MED13L: variants seen among roughly 807,000 people sequenced by gnomAD.
MED13L encodes mediator of RNA polymerase II transcription subunit 13-like.
MED13L carries 7 observed loss-of-function variants against 220.9 expected under a neutral mutation model. That is an observed-to-expected ratio of 0.03 (90% CI 0.02 to 0.06). The LOEUF (loss-of-function observed/expected upper bound fraction) is 0.06, where lower values mean the gene tolerates loss of function less well. Among genes scored for constraint, MED13L ranks in the 10% least tolerant of loss-of-function variants. The pLI, the probability that MED13L is intolerant of heterozygous loss-of-function variation, is 1.00. For synonymous variants in MED13L, 1,011 were observed against 1,015.2 expected (o/e 1.00, Z 0.08); for missense variants, 1,965 against 2,760.5 (o/e 0.71, Z 6.46).
At chr12:116,101,747 TC>T (rs1473728430) in intron 3 of MED13L, among the ~76,000 whole-genome samples, 1 of 152,194 alleles carries the variant, frequency 6.6e-6, no homozygotes, top group Admixed American at 6.5e-5. Context: ...AAATATAATT[TC>T]CCCTTTTTTA....
chr12:116,210,123 G>A (rs955272794), intron 2 of MED13L, among the ~76,000 whole-genome samples: 2 of 152,118 alleles, frequency 1.3e-5, no homozygotes, highest in African/African-American at 4.8e-5. Flanking sequence ...TGGGAAAGGG[G>A]CAGGCAGAAA....
At chr12:116,002,155 T>C (rs1878786174) in intron 14 of MED13L, among the ~76,000 whole-genome samples, 1 of 152,246 alleles carries the variant, frequency 6.6e-6, no homozygotes, top group South Asian at 2.1e-4. Context: ...GCTATCATTA[T>C]TCATTTTCAC....
intron 4 of MED13L, among the ~76,000 whole-genome samples, chr12:116,057,450 A>G (rs11612907): frequency 0.15 from 22,501 of 151,846 alleles, 1,869 homozygotes; most frequent in Middle Eastern, 0.21. Context: ...TTCAGTATCC[A>G]TATGATATCC....
chr12:115,992,839 CTTCT>C (rs1878154045), intron 16 of MED13L, among the ~76,000 whole-genome samples: 1 of 152,166 alleles, frequency 6.6e-6, no homozygotes, highest in Admixed American at 6.5e-5. Context: ...TAAGCAGTGA[CTTCT>C]TTTTGGAACA....
At chr12:116,139,728 C>T (rs988768122) in intron 2 of MED13L, among the ~76,000 whole-genome samples, 3 of 151,996 alleles carry the variant, frequency 2.0e-5, no homozygotes, top group Non-Finnish European at 4.4e-5. Flanking sequence ...CGTGTGGTGG[C>T]TCACGTCTGT....
intron 1 of MED13L, among the ~76,000 whole-genome samples, chr12:116,271,040 C>CAAAAAAAAAAAAAAAAA: frequency 3.3e-5 from 1 of 30,096 alleles, no homozygotes; most frequent in Non-Finnish European, 5.8e-5. Context: ...GACTCCGTCT[C>CAAAAAAAAAAAAAAAAA]AAAAAAAAAA....
chr12:116,119,774 T>C (rs1330207342), intron 2 of MED13L, among the ~76,000 whole-genome samples: 2 of 124,400 alleles, frequency 1.6e-5, no homozygotes, highest in Middle Eastern at 5.7e-3. Flanking sequence ...GCCACTGTAC[T>C]CCAGCCTAGG....
chr12:116,013,949 G>A (rs1435318215), intron 8 of MED13L, among the ~76,000 whole-genome samples: 1 of 152,080 alleles, frequency 6.6e-6, no homozygotes, highest in Non-Finnish European at 1.5e-5. Flanking sequence ...AACATGATAA[G>A]TGAAAGGAAA....
At chr12:116,213,399 AGTTT>A (rs1235147391) in intron 2 of MED13L, among the ~76,000 whole-genome samples, 1 of 66,898 alleles carries the variant, frequency 1.5e-5, no homozygotes, top group Non-Finnish European at 2.4e-5. Flanking sequence ...GGAGTGCAAA[AGTTT>A]GTTTTTGTTT....
intron 2 of MED13L, among the ~76,000 whole-genome samples, chr12:116,159,484 TAGAA>T (rs909559657): frequency 1.3e-5 from 2 of 152,176 alleles, no homozygotes; most frequent in African/African-American, 4.8e-5. Flanking sequence ...TAATTAGACT[TAGAA>T]AGGTGAGCAG....
intron 2 of MED13L, among the ~76,000 whole-genome samples, chr12:116,206,340 A>T (rs1355976541): frequency 6.6e-6 from 1 of 152,000 alleles, no homozygotes; most frequent in African/African-American, 2.4e-5. Flanking sequence ...GTATTATTAT[A>T]TTTCAGAAGC....
At chr12:116,148,051 C>CAAAAAAAAAAAAAAAAAAAAAAAAAAAA (rs10678970) in intron 2 of MED13L, among the ~76,000 whole-genome samples, 2 of 18,140 alleles carry the variant, frequency 1.1e-4, no homozygotes, top group Admixed American at 9.0e-4. Context: ...GACCCCATCT[C>CAAAAAAAAAAAAAAAAAAAAAAAAAAAA]AAAAAAAAAA....
At chr12:116,165,354 G>A (rs777430558) in intron 2 of MED13L, among the ~76,000 whole-genome samples, 32 of 144,810 alleles carry the variant, frequency 2.2e-4, no homozygotes, top group Non-Finnish European at 3.4e-4. Flanking sequence ...TTTTTGAGAC[G>A]GAGTCTCACT....
intron 2 of MED13L, among the ~76,000 whole-genome samples, chr12:116,167,852 T>A (rs1220947437): frequency 6.6e-6 from 1 of 152,204 alleles, no homozygotes; most frequent in Non-Finnish European, 1.5e-5. Context: ...GTGCCTAGAA[T>A]TGATGGACTA....
chr12:115,983,441 T>A lies in MED13L; in HGVS notation c.4631A>T (p.Asn1544Ile). Residue 1544 changes from asparagine (N) to isoleucine (I), a missense_variant, in exon 21 of 31, where the codon AAT becomes ATT. Transcript: ENST00000281928. ...TCCATTTGGAGCTAAGGGCCCAGCA[T>A]TCCCTGGCGTAGCTTGTCCCTGTGC... Reference protein sequence around the residue: ...AAAQGQATPGNAGPLAPNGSA... With the variant: ...AAAQGQATPGIAGPLAPNGSA... 1.9e-6 allele frequency: 3 copies of A among 1,614,230 alleles called. No homozygotes were observed. Among genetic ancestry groups the A allele is most frequent in the Non-Finnish European group, 2.5e-6 (3 of 1,180,026 alleles).
intron 15 of MED13L, 124 bp from the exon 16 acceptor site, chr12:115,996,805 T>C: frequency 9.3e-7 from 1 of 1,076,686 alleles, no homozygotes; most frequent in Non-Finnish European, 1.4e-6. Context: ...TCTCCTATGA[T>C]CATTAGAAAA....
At chr12:115,990,406 T>C (rs1325416970) in intron 17 of MED13L, among the ~76,000 whole-genome samples, 1 of 152,218 alleles carries the variant, frequency 6.6e-6, no homozygotes, top group East Asian at 1.9e-4. Context: ...TTTCTTTCAG[T>C]AACCATTTTA....
intron 14 of MED13L, among the ~76,000 whole-genome samples, chr12:115,999,211 G>T (rs999884231): frequency 1.3e-5 from 2 of 152,050 alleles, no homozygotes; most frequent in Non-Finnish European, 2.9e-5. Flanking sequence ...TCAGGAGTTC[G>T]AGACCAATCT....
intron 17 of MED13L, among the ~76,000 whole-genome samples, chr12:115,990,425 G>T (rs1877980805): frequency 6.6e-6 from 1 of 152,194 alleles, no homozygotes; most frequent in Non-Finnish European, 1.5e-5. Flanking sequence ...TATCCCCCAT[G>T]ATGCATTGCA....
Sources: allele counts gnomAD v4.1 joint callset (sites outside exome capture counted in the v4.1 genomes callset), GRCh38; gene constraint gnomAD v4.1.1; transcripts MANE v1.5; gene names NCBI Gene and HGNC (gene_info 2026-07-23, HGNC 2026-07-21).